CNTLN: variants seen among roughly 807,000 people sequenced by gnomAD.
CNTLN encodes centlein, centrosomal protein.
CNTLN carries 212 observed loss-of-function variants against 180.0 expected under a neutral mutation model. The observed-to-expected ratio is 1.18, with a 90% CI of 1.05 to 1.32. The LOEUF is 1.32. Among genes scored for constraint, CNTLN ranks in the 40% most tolerant of loss-of-function variants. The pLI is 0.00. For synonymous variants in CNTLN, 722 were observed against 563.1 expected, an observed-to-expected ratio of 1.28 and a Z score of -3.99; for missense variants, 2,095 against 1,610.9, an observed-to-expected ratio of 1.30 and a Z score of -5.14.
intron 2 of CNTLN, among the ~76,000 whole-genome samples, chr9:17,216,746 G>A (rs902756614): frequency 6.6e-6 from 1 of 152,138 alleles, no homozygotes; most frequent in South Asian, 2.1e-4. Flanking sequence ...CCACTCTAAA[G>A]CACTTGGGTT....
intron 5 of CNTLN, among the ~76,000 whole-genome samples, chr9:17,247,839 T>C (rs916965535): frequency 6.7e-6 from 1 of 150,346 alleles, no homozygotes; most frequent in African/African-American, 2.4e-5. Context: ...TCTTTCTTTT[T>C]TTTTTTTTTT....
chr9:17,469,744 C>G (rs1283775019), intron 23 of CNTLN, among the ~76,000 whole-genome samples: 1 of 151,538 alleles, frequency 6.6e-6, no homozygotes, highest in Non-Finnish European at 1.5e-5. Flanking sequence ...GCCTTCCCCT[C>G]TTTGTTCTCT....
intron 8 of CNTLN, among the ~76,000 whole-genome samples, chr9:17,319,127 A>T (rs1819736650): frequency 6.6e-6 from 1 of 152,238 alleles, no homozygotes; most frequent in Admixed American, 6.5e-5. Flanking sequence ...CAGAGAAAAC[A>T]ACGTATGTCA....
intron 13 of CNTLN, among the ~76,000 whole-genome samples, chr9:17,374,146 A>G (rs1824558455): frequency 6.6e-6 from 1 of 152,234 alleles, no homozygotes; most frequent in Non-Finnish European, 1.5e-5. Flanking sequence ...GCTTCTGGAC[A>G]GCAAGGGAAC....
chr9:17,421,446 G>T (rs1264096723), intron 18 of CNTLN, among the ~76,000 whole-genome samples: 1 of 151,456 alleles, frequency 6.6e-6, no homozygotes, highest in Non-Finnish European at 1.5e-5. Flanking sequence ...TTTATTTTCA[G>T]TCCATGTGCA....
chr9:17,387,254 G>A (rs1236506438), intron 13 of CNTLN, among the ~76,000 whole-genome samples: 1 of 152,042 alleles, frequency 6.6e-6, no homozygotes, highest in African/African-American at 2.4e-5. Context: ...CAGCAGCCAA[G>A]CATACTTTAA....
the CNTLN span, among the ~76,000 whole-genome samples, chr9:17,521,818 C>T: frequency 2.6e-5 from 4 of 152,124 alleles, no homozygotes; most frequent in Non-Finnish European, 5.9e-5. Flanking sequence ...TTCAACAAGT[C>T]CTGAAAAATT....
chr9:17,439,781 T>A (rs1042562004), intron 18 of CNTLN, among the ~76,000 whole-genome samples: 1 of 152,170 alleles, frequency 6.6e-6, no homozygotes, highest in Non-Finnish European at 1.5e-5. Context: ...GGGGCCCCCA[T>A]GATGGGATTA....
chr9:17,367,627 T>A (rs1410419154), intron 13 of CNTLN, among the ~76,000 whole-genome samples: 5 of 152,066 alleles, frequency 3.3e-5, no homozygotes, highest in Non-Finnish European at 7.4e-5. Flanking sequence ...ATCAAATAGG[T>A]CTTTGTCTTG....
intron 8 of CNTLN, among the ~76,000 whole-genome samples, chr9:17,310,479 G>A (rs928725894): frequency 6.6e-6 from 1 of 152,178 alleles, no homozygotes; most frequent in African/African-American, 2.4e-5. Context: ...ATCTCTAGAT[G>A]AGAACTTTGG....
At chr9:17,249,006 A>C (rs1825965897) in intron 5 of CNTLN, among the ~76,000 whole-genome samples, 1 of 151,936 alleles carries the variant, frequency 6.6e-6, no homozygotes, top group Admixed American at 6.6e-5. Context: ...ACATTCTTTT[A>C]AGGAAATAAA....
chr9:17,325,647 G>C lies in CNTLN; in HGVS notation c.1342-4985G>C, dbSNP rs545144622. 6.7e-4 allele frequency among the ~76,000 whole-genome samples: 101 copies of C among 151,818 alleles called. No homozygotes were observed. In the South Asian group the frequency reaches 0.01, roughly 15 times the overall value. ...TTTAAGAAAAAGTATTTCTTTTGCT[G>C]AGGTATCATGTGCTTTTAGAAATGT... On this transcript the variant is annotated intron_variant, in intron 8 of 25. Transcript: ENST00000380647.
chr9:17,306,814 G>A (rs890986912), intron 7 of CNTLN, among the ~76,000 whole-genome samples: 2 of 152,076 alleles, frequency 1.3e-5, no homozygotes, highest in African/African-American at 2.4e-5. Flanking sequence ...GGTAAATATT[G>A]GTTAGTGTAA....
chr9:17,373,908 T>C (rs751184240), intron 13 of CNTLN, among the ~76,000 whole-genome samples: 3 of 152,170 alleles, frequency 2.0e-5, no homozygotes, highest in Non-Finnish European at 2.9e-5. Context: ...AAACAAGATA[T>C]TCATATGCGT....
chr9:17,416,993 A>G (rs1828304337), intron 18 of CNTLN, among the ~76,000 whole-genome samples: 2 of 152,174 alleles, frequency 1.3e-5, no homozygotes, highest in African/African-American at 4.8e-5. Flanking sequence ...CAATACATAT[A>G]AACACTTTAA....
chr9:17,187,237 A>G (rs932734287), intron 2 of CNTLN, among the ~76,000 whole-genome samples: 10 of 152,214 alleles, frequency 6.6e-5, no homozygotes, highest in African/African-American at 1.9e-4. Flanking sequence ...TATCTGCTTT[A>G]TCTACTTTCT....
At chr9:17,252,753 A>G (rs936976939) in intron 5 of CNTLN, among the ~76,000 whole-genome samples, 1 of 151,636 alleles carries the variant, frequency 6.6e-6, no homozygotes, top group African/African-American at 2.4e-5. Context: ...TTTGCTGTGC[A>G]GAAGGTTTTT....
chr9:17,499,889 A>G (rs1318007085), intron 25 of CNTLN, among the ~76,000 whole-genome samples: 2 of 152,192 alleles, frequency 1.3e-5, no homozygotes, highest in African/African-American at 4.8e-5. Context: ...TAGAGTGAGC[A>G]CTGGGTTTAG....
At chr9:17,400,299 G>A (rs1160526982) in intron 15 of CNTLN, among the ~76,000 whole-genome samples, 1 of 152,010 alleles carries the variant, frequency 6.6e-6, no homozygotes, top group Non-Finnish European at 1.5e-5. Context: ...CACAATGCCC[G>A]GCTAATTTTT....
Sources: allele counts gnomAD v4.1 joint callset (sites outside exome capture counted in the v4.1 genomes callset), GRCh38; gene constraint gnomAD v4.1.1; transcripts MANE v1.5; gene names NCBI Gene and HGNC (gene_info 2026-07-23, HGNC 2026-07-21).